Variants in FRMPD4 observed in about 807,000 individuals in gnomAD.
FRMPD4 encodes FERM and PDZ domain containing 4.
A neutral mutation model predicts 94.1 loss-of-function variants in FRMPD4; 22 were observed. That is an observed-to-expected ratio of 0.23 (90% CI 0.17 to 0.33). The LOEUF is 0.33. FRMPD4 is among the 10% of genes least tolerant of loss of function. The pLI is 1.00. For missense variants in FRMPD4, 1,111 were observed against 1,339.9 expected, an observed-to-expected ratio of 0.83 and a Z score of 2.67; for synonymous variants, 631 against 548.6, an observed-to-expected ratio of 1.15 and a Z score of -2.10.
chrX:12,007,087 G>A (rs2054557701), intron 3 of FRMPD4, among the ~76,000 whole-genome samples: 1 of 111,850 alleles, frequency 8.9e-6, no homozygotes, highest in Non-Finnish European at 1.9e-5. Context: ...CGATGCTGCT[G>A]TGTCAGTTTC....
intron 1 of FRMPD4, among the ~76,000 whole-genome samples, chrX:12,424,013 C>A (rs756108303): frequency 8.9e-6 from 1 of 112,429 alleles, no homozygotes; most frequent in Non-Finnish European, 1.9e-5. Context: ...TAAAACATAT[C>A]ATGCCCTTTT....
At chrX:12,595,060 G>T (rs889069624) in intron 2 of FRMPD4, among the ~76,000 whole-genome samples, 7 of 112,117 alleles carry the variant, frequency 6.2e-5, no homozygotes, top group Non-Finnish European at 9.4e-5. Flanking sequence ...AATGTTAGCA[G>T]CAGCTGCTGC....
chrX:11,924,049 G>T (rs944964815), intron 3 of FRMPD4, among the ~76,000 whole-genome samples: 7 of 112,051 alleles, frequency 6.2e-5, no homozygotes, highest in African/African-American at 2.3e-4. Context: ...AATGATGCAG[G>T]AGTTGACAGA....
chrX:11,882,033 C>A (rs1443083287), intron 3 of FRMPD4, among the ~76,000 whole-genome samples: 5 of 111,475 alleles, frequency 4.5e-5, no homozygotes, highest in Non-Finnish European at 9.4e-5. Context: ...TTGCTTTTGG[C>A]CAAGCACAGT....
rs1194370167 is a variant in FRMPD4, at chrX:12,138,852, G to A, written c.-120G>A. 1.3e-5 allele frequency: 7 copies of A among 548,847 alleles called. No homozygotes were observed. In the Admixed American group the frequency reaches 2.8e-4, roughly 22 times the overall value. The allele number at this position is 548,847 out of a possible 1,213,427, so 45.2% of individuals were successfully genotyped here. A position where few individuals can be genotyped will look rare whatever the true frequency, so the allele number is the denominator to read the frequency against. ...TCTCCGGCCGCCGCCGCCACCCGCT[G>A]TCGCCGCGACTCGAGCCCCGGGCGC... On this transcript the variant is annotated 5_prime_UTR_variant, in exon 1 of 17. Coordinates refer to ENST00000675598, the MANE Select transcript of FRMPD4 (RefSeq NM_001368397.1).
At chrX:12,123,594 T>C (rs746959797) in intron 3 of FRMPD4, among the ~76,000 whole-genome samples, 2 of 112,154 alleles carry the variant, frequency 1.8e-5, no homozygotes, top group Non-Finnish European at 3.8e-5. Context: ...CATTGTCCTA[T>C]AGCAAAGTTT....
At chrX:12,397,127 C>T (rs189434067) in intron 1 of FRMPD4, among the ~76,000 whole-genome samples, 14 of 110,830 alleles carry the variant, frequency 1.3e-4, no homozygotes, top group East Asian at 2.8e-4. Flanking sequence ...TTCACCCTGA[C>T]GCAACCAAAC....
At chrX:12,053,359 G>GAAAGAAAGAAAGA (rs752976625) in intron 3 of FRMPD4, among the ~76,000 whole-genome samples, 1 of 51,428 alleles carries the variant, frequency 1.9e-5, no homozygotes, top group African/African-American at 7.6e-5. Context: ...AGGAAAGAAA[G>GAAAGAAAGAAAGA]AAGAAAGAAA....
rs754847852 is a variant in FRMPD4, at chrX:12,324,142, C to T, written c.42-174538C>T. On this transcript the variant is annotated intron_variant, in intron 1 of 16. Transcript: ENST00000675598. ...CGCAGACAGAAAGAGGGAACAAACA[C>T]TATCTTTTAAGTATTGAACCTAGGC... Among the ~76,000 whole-genome samples the T allele has an allele frequency of 2.1e-3, 234 of 112,238 alleles. 2 individuals carry two copies. Among genetic ancestry groups the T allele is most frequent in the Middle Eastern group, 9.2e-3 (2 of 218 alleles).
chrX:11,996,569 A>G (rs1190609686), intron 3 of FRMPD4, among the ~76,000 whole-genome samples: 1 of 112,531 alleles, frequency 8.9e-6, no homozygotes, highest in Admixed American at 9.4e-5. Flanking sequence ...TCAGAGGAAA[A>G]CAATAATGCT....
chrX:11,976,362 G>C (rs926240692), intron 3 of FRMPD4, among the ~76,000 whole-genome samples: 16 of 112,100 alleles, frequency 1.4e-4, no homozygotes, highest in African/African-American at 5.2e-4. Context: ...GTAGCTAAAA[G>C]TATTTCCTCT....
At chrX:12,495,694 A>G (rs192495594) in intron 1 of FRMPD4, among the ~76,000 whole-genome samples, 1 of 111,107 alleles carries the variant, frequency 9.0e-6, no homozygotes, top group East Asian at 2.8e-4. Flanking sequence ...GCTCTTGATC[A>G]CCACATCCTT....
chrX:12,142,057 T>C (rs2055700003), intron 1 of FRMPD4, among the ~76,000 whole-genome samples: 1 of 111,805 alleles, frequency 8.9e-6, no homozygotes, highest in Non-Finnish European at 1.9e-5. Flanking sequence ...AATTGAGTGA[T>C]ATGTTCATAG....
intron 12 of FRMPD4, 116 bp downstream of exon 12, chrX:12,707,031 A>T: frequency 2.4e-6 from 1 of 421,672 alleles, no homozygotes. Flanking sequence ...ATTTCTAACC[A>T]ACTTCACAAC....
intron 3 of FRMPD4, among the ~76,000 whole-genome samples, chrX:11,905,322 C>A (rs2053961500): frequency 9.0e-6 from 1 of 111,702 alleles, no homozygotes; most frequent in Admixed American, 9.5e-5. Context: ...AAGTTACAAA[C>A]CTAAGACAAA....
intron 2 of FRMPD4, among the ~76,000 whole-genome samples, chrX:12,526,665 A>C (rs1247332414): frequency 1.8e-5 from 2 of 112,330 alleles, no homozygotes; most frequent in African/African-American, 6.5e-5. Context: ...TGGTGGTCAA[A>C]TGGGCATTAA....
At chrX:12,431,619 G>A (rs916555802) in intron 1 of FRMPD4, among the ~76,000 whole-genome samples, 1 of 111,822 alleles carries the variant, frequency 8.9e-6, no homozygotes, top group Non-Finnish European at 1.9e-5. Context: ...TCAAAGGCCC[G>A]CAGAGTCATT....
intron 11 of FRMPD4, 84 bp downstream of exon 11, chrX:12,704,569 A>C (rs1301344528): frequency 1.5e-6 from 1 of 669,210 alleles, no homozygotes; most frequent in African/African-American, 2.2e-5. Flanking sequence ...GCTCATGAAT[A>C]AAATACTTAG....
intron 3 of FRMPD4, among the ~76,000 whole-genome samples, chrX:12,045,436 C>T (rs1386863507): frequency 9.0e-6 from 1 of 111,148 alleles, no homozygotes; most frequent in Non-Finnish European, 1.9e-5. Flanking sequence ...TCCTTTGCAT[C>T]CTGGGGCATT....
Sources: gnomAD v4.1 joint callset for allele counts (sites outside exome capture counted in the v4.1 genomes callset) on GRCh38, gnomAD v4.1.1 for gene constraint, MANE v1.5 for transcripts, NCBI Gene and HGNC (gene_info 2026-07-23, HGNC 2026-07-21) for gene names.